Variants in ADGRB3 observed in about 807,000 individuals in gnomAD.
ADGRB3 encodes adhesion G protein-coupled receptor B3, also known as brain-specific angiogenesis inhibitor 3.
In ADGRB3, 37 loss-of-function variants were observed where a neutral mutation model predicts 193.4. That is an observed-to-expected ratio of 0.19 (90% CI 0.15 to 0.25). The LOEUF (loss-of-function observed/expected upper bound fraction) is 0.25, where lower values mean the gene tolerates loss of function less well. ADGRB3 is among the 10% of genes least tolerant of loss of function. ADGRB3 has a pLI of 1.00. For synonymous variants in ADGRB3, 690 were observed against 644.2 expected, an observed-to-expected ratio of 1.07 and a Z score of -1.08; for missense variants, 1,637 against 1,852.9, an observed-to-expected ratio of 0.88 and a Z score of 2.14.
At chr6:68,883,689 C>G (rs1466850690) in intron 3 of ADGRB3, among the ~76,000 whole-genome samples, 3 of 152,166 alleles carry the variant, frequency 2.0e-5, no homozygotes, top group Admixed American at 6.5e-5. Context: ...GCCAGCGAGA[C>G]CACGAACCCA....
intron 17 of ADGRB3, among the ~76,000 whole-genome samples, chr6:69,080,645 G>A (rs1181571243): frequency 8.1e-5 from 12 of 147,640 alleles, no homozygotes; most frequent in Middle Eastern, 3.4e-3. Context: ...AAGCCTTTTC[G>A]TGAGCAGCAA....
At chr6:69,144,250 G>A (rs1774419451) in intron 17 of ADGRB3, among the ~76,000 whole-genome samples, 1 of 152,090 alleles carries the variant, frequency 6.6e-6, no homozygotes, top group African/African-American at 2.4e-5. Flanking sequence ...TGTTGATTTT[G>A]TATCCTGAAA....
At chr6:69,324,233 A>G (rs1327781298) in intron 20 of ADGRB3, among the ~76,000 whole-genome samples, 1 of 152,140 alleles carries the variant, frequency 6.6e-6, no homozygotes, top group African/African-American at 2.4e-5. Context: ...TAGCTTTTCA[A>G]AATTACTTGA....
rs190406119 is a variant in ADGRB3, at chr6:68,996,790, T to A, written c.1929+2828T>A. 3.7e-3 allele frequency among the ~76,000 whole-genome samples: 556 copies of A among 152,276 alleles called. 5 individuals carry two copies. Among genetic ancestry groups the A allele is most frequent in the Middle Eastern group, 0.01 (3 of 294 alleles). ...GCAAATCTTCGGAAAAAAAGACATG[T>A]TTCTGATCCATCTTTGGACCCTAGC... On this transcript the variant is annotated intron_variant, in intron 11 of 31. Transcript: ENST00000370598.
At chr6:68,833,998 A>G (rs1177679220) in intron 3 of ADGRB3, among the ~76,000 whole-genome samples, 1 of 147,462 alleles carries the variant, frequency 6.8e-6, no homozygotes, top group East Asian at 1.9e-4. Context: ...CCTCAGCACC[A>G]AGCACAGTGC....
At chr6:68,988,076 T>TTTTTTTTAATTC (rs1769130497) in intron 10 of ADGRB3, among the ~76,000 whole-genome samples, 1 of 152,160 alleles carries the variant, frequency 6.6e-6, no homozygotes, top group South Asian at 2.1e-4. Context: ...AATCCTCCTG[T>TTTTTTTTAATTC]AGTTTTAGTT....
chr6:69,075,823 A>G (rs1406714981), intron 16 of ADGRB3, among the ~76,000 whole-genome samples, 172 bp from the exon 17 acceptor site: 1 of 152,158 alleles, frequency 6.6e-6, no homozygotes, highest in Non-Finnish European at 1.5e-5. Context: ...TGAGTCACTA[A>G]ATCTATGAGA....
intron 10 of ADGRB3, among the ~76,000 whole-genome samples, chr6:68,978,548 C>T (rs1407992454): frequency 6.6e-6 from 1 of 151,402 alleles, no homozygotes; most frequent in African/African-American, 2.4e-5. Context: ...TTCAATAATG[C>T]TTATGTCACA....
chr6:69,380,039 A>G (rs1237202049), intron 30 of ADGRB3, among the ~76,000 whole-genome samples: 1 of 152,014 alleles, frequency 6.6e-6, no homozygotes, highest in Non-Finnish European at 1.5e-5. Flanking sequence ...TTAGACTTTC[A>G]TAGCAATCCA....
intron 31 of ADGRB3, 53 bp from the exon 32 acceptor site, chr6:69,388,650 G>A (rs1770124750): frequency 1.3e-6 from 2 of 1,520,926 alleles, no homozygotes; most frequent in Admixed American, 3.8e-5. Context: ...ACTTCAACTA[G>A]CGGTGATCCT....
intron 24 of ADGRB3, among the ~76,000 whole-genome samples, 194 bp downstream of exon 24, chr6:69,333,202 A>G (rs943875291): frequency 5.3e-5 from 8 of 152,210 alleles, no homozygotes; most frequent in African/African-American, 1.7e-4. Context: ...TAAAACTACT[A>G]TAACAGACCA....
chr6:69,206,692 T>C (rs1765548174), intron 17 of ADGRB3, among the ~76,000 whole-genome samples: 1 of 152,032 alleles, frequency 6.6e-6, no homozygotes, highest in African/African-American at 2.4e-5. Context: ...AGAAAAGAAA[T>C]TAAATGAAGA....
At chr6:69,303,115 C>T (rs184132194) in intron 20 of ADGRB3, among the ~76,000 whole-genome samples, 5 of 151,906 alleles carry the variant, frequency 3.3e-5, no homozygotes, top group Admixed American at 1.3e-4. Flanking sequence ...CACAATTTTG[C>T]CAGACTGAAT....
intron 17 of ADGRB3, among the ~76,000 whole-genome samples, chr6:69,142,916 G>A (rs946777440): frequency 9.2e-5 from 14 of 152,034 alleles, no homozygotes; most frequent in African/African-American, 2.9e-4. Context: ...AGGGGTATAT[G>A]CCCAGGAGTG....
intron 17 of ADGRB3, among the ~76,000 whole-genome samples, chr6:69,092,302 G>T (rs1338443624): frequency 6.6e-6 from 1 of 152,000 alleles, no homozygotes; most frequent in Non-Finnish European, 1.5e-5. Context: ...TGTCTATTTT[G>T]GGGAAAGATA....
intron 16 of ADGRB3, among the ~76,000 whole-genome samples, chr6:69,070,848 A>G (rs1012584588): frequency 1.3e-5 from 2 of 152,228 alleles, no homozygotes; most frequent in Non-Finnish European, 2.9e-5. Flanking sequence ...AACACCAAGG[A>G]AAGTTTAAAG....
intron 3 of ADGRB3, among the ~76,000 whole-genome samples, chr6:68,862,425 A>G (rs1200448744): frequency 8.5e-5 from 13 of 152,198 alleles, no homozygotes; most frequent in Non-Finnish European, 1.9e-4. Flanking sequence ...CACAAGCAAT[A>G]ACAGTTCAGG....
intron 17 of ADGRB3, among the ~76,000 whole-genome samples, chr6:69,216,597 T>C (rs1765776647): frequency 6.6e-6 from 1 of 152,148 alleles, no homozygotes; most frequent in African/African-American, 2.4e-5. Flanking sequence ...GAGAGAACAC[T>C]GGGCTATCTC....
At chr6:68,692,773 G>T (rs1765097068) in intron 3 of ADGRB3, among the ~76,000 whole-genome samples, 2 of 151,004 alleles carry the variant, frequency 1.3e-5, no homozygotes, top group South Asian at 4.2e-4. Context: ...CTGTAAAATT[G>T]AATTAATAAT....
Sources: gnomAD v4.1 joint callset for allele counts (sites outside exome capture counted in the v4.1 genomes callset) on GRCh38, gnomAD v4.1.1 for gene constraint, MANE v1.5 for transcripts, NCBI Gene and HGNC (gene_info 2026-07-23, HGNC 2026-07-21) for gene names.